Variants in OTOGL observed in about 807,000 individuals in gnomAD.
OTOGL encodes otogelin-like protein.
In OTOGL, 285 loss-of-function variants were observed where a neutral mutation model predicts 318.5. The ratio of observed to expected loss-of-function variants is 0.89; its 90% CI spans 0.81 to 0.99. The LOEUF is 0.99. Ranked by LOEUF, OTOGL falls within the 50% of genes least tolerant of loss-of-function variation. The probability of loss-of-function intolerance (pLI) is 0.00; values close to 1 mark genes in which losing one functional copy is unlikely to be tolerated. For synonymous variants in OTOGL, 987 were observed against 936.5 expected (o/e 1.05, Z -0.99); for missense variants, 2,899 against 2,845.6 (o/e 1.02, Z -0.43).
chr12:80,258,137 T>A, intron 18 of OTOGL, 135 bp downstream of exon 18: 1 of 806,398 alleles, frequency 1.2e-6, no homozygotes, highest in Non-Finnish European at 1.8e-6. Context: ...ATCATCGTAT[T>A]TAAAATGTAT....
intron 4 of OTOGL, among the ~76,000 whole-genome samples, chr12:80,215,660 A>C (rs1481492122): frequency 6.6e-6 from 1 of 152,204 alleles, no homozygotes; most frequent in Non-Finnish European, 1.5e-5. Flanking sequence ...AGTAGAAGTC[A>C]TTATACACTT....
chr12:80,110,485 G>A (rs968100151), intron 1 of OTOGL, among the ~76,000 whole-genome samples: 2 of 152,152 alleles, frequency 1.3e-5, no homozygotes, highest in African/African-American at 2.4e-5. Context: ...ACCCACTTAT[G>A]AGTGAGAACA....
intron 44 of OTOGL, among the ~76,000 whole-genome samples, chr12:80,351,801 AG>A (rs1271709067): frequency 6.6e-6 from 1 of 152,228 alleles, no homozygotes; most frequent in Non-Finnish European, 1.5e-5. Context: ...CATATTCTAT[AG>A]GAAAAAAATG....
intron 1 of OTOGL, among the ~76,000 whole-genome samples, chr12:80,102,060 C>T (rs890172351): frequency 6.6e-6 from 1 of 152,138 alleles, no homozygotes; most frequent in Non-Finnish European, 1.5e-5. Flanking sequence ...AATTCCAGAC[C>T]TATGAATCCA....
intron 11 of OTOGL, 27 bp from the exon 12 acceptor site, chr12:80,251,666 T>G: frequency 6.6e-7 from 1 of 1,524,258 alleles, no homozygotes; most frequent in Non-Finnish European, 8.9e-7. Flanking sequence ...TCCTATGTGA[T>G]TCTGGCTCTG....
chr12:80,192,210 C>A (rs1034333944), intron 1 of OTOGL, among the ~76,000 whole-genome samples: 15 of 152,212 alleles, frequency 9.9e-5, no homozygotes, highest in African/African-American at 3.6e-4. Flanking sequence ...GACCTCAGAG[C>A]AAAACTTTCT....
intron 1 of OTOGL, among the ~76,000 whole-genome samples, chr12:80,174,365 C>T (rs1414234717): frequency 5.3e-5 from 8 of 152,120 alleles, no homozygotes; most frequent in African/African-American, 1.9e-4. Context: ...CGCCAGTCTC[C>T]CATTTTTACT....
At chr12:80,206,634 A>G (rs977286407) in intron 1 of OTOGL, among the ~76,000 whole-genome samples, 1 of 151,610 alleles carries the variant, frequency 6.6e-6, no homozygotes, top group African/African-American at 2.4e-5. Flanking sequence ...CTCAGCCTCC[A>G]TAGTAGCTGG....
intron 17 of OTOGL, 133 bp from the exon 18 acceptor site, chr12:80,257,692 C>T (rs1882178480): frequency 2.2e-6 from 2 of 921,038 alleles, no homozygotes; most frequent in Admixed American, 3.5e-5. Flanking sequence ...CCCTGAAGCA[C>T]AGACAGGAAC....
intron 1 of OTOGL, among the ~76,000 whole-genome samples, chr12:80,182,451 T>A (rs1239354592): frequency 1.3e-5 from 2 of 152,194 alleles, no homozygotes; most frequent in Admixed American, 6.5e-5. Context: ...AGTTAAATAG[T>A]GCATGATTAT....
In OTOGL at chr12:80,302,646, T is replaced by A. The variant is rs1028905396; in HGVS notation, c.3076T>A (p.Phe1026Ile). 1.5e-6 allele frequency: 2 copies of A among 1,374,658 alleles called. No individual in the cohort carries two copies. The highest frequency in any genetic ancestry group is 1.5e-5 in the African/African-American group (1 of 67,604). The allele number at this position is 1,374,658 out of a possible 1,614,324, so 85.2% of individuals were successfully genotyped here. ...TTTTGTTTTTAAGAAACAATCAGGT[T>A]TTTTTCTGGAAAACAAATCTACCTA... ...DTPYKQKQSG[F>I]FLENKSTYQL... is the part of the protein sequence containing the mutation. Residue 1026 changes from phenylalanine (F) to isoleucine (I), a missense_variant, in exon 28 of 59, where the codon TTT becomes ATT. By Grantham distance (21) the Phe-to-Ile change is conservative. Around this residue, in one of 3 missense-constraint regions of OTOGL, gnomAD observed 2,607 missense variants for 2,524.9 expected, o/e 1.03. Coordinates refer to ENST00000547103, the MANE Select transcript of OTOGL (RefSeq NM_001378609.3).
At chr12:80,235,467 C>CAAAAAAAAA (rs10600987) in intron 9 of OTOGL, among the ~76,000 whole-genome samples, 1 of 86,964 alleles carries the variant, frequency 1.1e-5, no homozygotes, top group African/African-American at 4.5e-5. Context: ...GACTCTGTCT[C>CAAAAAAAAA]AAAAAAAAAA....
chr12:80,330,667 C>T (rs1228330638), intron 37 of OTOGL, among the ~76,000 whole-genome samples: 1 of 152,112 alleles, frequency 6.6e-6, no homozygotes, highest in East Asian at 1.9e-4. Context: ...TTTCATTACT[C>T]TCAAAGATAA....
chr12:80,133,392 T>G (rs1873419751), intron 1 of OTOGL: 1 of 152,172 alleles, frequency 6.6e-6, no homozygotes, highest in African/African-American at 2.4e-5. Flanking sequence ...TACTTGAAAA[T>G]TAATGGAGCT....
intron 1 of OTOGL, among the ~76,000 whole-genome samples, chr12:80,116,332 G>T (rs1462361345): frequency 1.3e-5 from 2 of 151,870 alleles, no homozygotes; most frequent in East Asian, 3.9e-4. Context: ...TACTTCCCAG[G>T]TGAGGTCGTG....
intron 1 of OTOGL, among the ~76,000 whole-genome samples, chr12:80,121,294 C>T (rs1210515690): frequency 6.6e-6 from 1 of 152,142 alleles, no homozygotes; most frequent in African/African-American, 2.4e-5. Context: ...TAAATAAAAA[C>T]AGAACGATTT....
chr12:80,272,267 T>C (rs908226922), intron 24 of OTOGL, among the ~76,000 whole-genome samples: 2 of 151,856 alleles, frequency 1.3e-5, no homozygotes, highest in Admixed American at 6.6e-5. Context: ...ACACCACTGC[T>C]CAAATCCCAG....
intron 11 of OTOGL, among the ~76,000 whole-genome samples, chr12:80,243,340 T>C (rs1374417207): frequency 1.3e-5 from 2 of 152,010 alleles, no homozygotes; most frequent in African/African-American, 4.8e-5. Context: ...AAATATTTTA[T>C]GGGGATGAAA....
intron 35 of OTOGL, among the ~76,000 whole-genome samples, chr12:80,325,281 C>T (rs1565985073): frequency 2.6e-5 from 4 of 152,028 alleles, no homozygotes; most frequent in South Asian, 2.1e-4. Context: ...GCCCCTCTCT[C>T]GAGGAGTGCA....
Sources: gnomAD v4.1 joint callset for allele counts (sites outside exome capture counted in the v4.1 genomes callset) on GRCh38, gnomAD v4.1.1 for gene constraint, gnomAD v4.1.1 regional missense constraint, MANE v1.5 for transcripts, NCBI Gene and HGNC (gene_info 2026-07-23, HGNC 2026-07-21) for gene names.